The following PRR5 variants were observed in gnomAD, a reference collection of about 807,000 sequenced individuals.
PRR5 encodes the protein proline rich 5.
In PRR5, 25 loss-of-function variants were observed where a neutral mutation model predicts 30.6. The ratio of observed to expected loss-of-function variants is 0.82; its 90% confidence interval spans 0.60 to 1.14. The LOEUF (loss-of-function observed/expected upper bound fraction) is 1.14. Ranked by LOEUF, PRR5 falls within the 50% of genes most tolerant of loss-of-function variation. The pLI is 0.00. For synonymous variants in PRR5, 286 were observed against 247.1 expected (o/e 1.16, Z -1.48); for missense variants, 600 against 547.1 (o/e 1.10, Z -0.96).
chr22:44,730,005 A>G, intron 4 of PRR5: 1 of 985,394 alleles, frequency 1.0e-6, no homozygotes, highest in Non-Finnish European at 1.2e-6. Flanking sequence ...CATCACCCTC[A>G]GAGCCAGGTT....
chr22:44,725,243 G>A lies in PRR5; in HGVS notation c.216-1G>A. On this transcript the variant is annotated splice_acceptor_variant, in intron 2 of 7. Coordinates refer to ENST00000336985, the MANE Select transcript of PRR5 (RefSeq NM_181333.4). LOFTEE classifies it high-confidence loss of function. The stretch of plus-strand genomic sequence containing the variant: ...ACTCTTGTCTCACCTCCCACCCACA[G>A]GCAGCTGTTGAAGACAGAGCTGGGG... The A allele has an allele frequency of 6.2e-7, 1 of 1,613,910 alleles. No individual in the cohort carries two copies. The highest frequency in any genetic ancestry group is 8.5e-7 in the Non-Finnish European group (1 of 1,179,970).
At chr22:44,719,608 G>A (rs1034761434) in intron 2 of PRR5, among the ~76,000 whole-genome samples, 5 of 152,210 alleles carry the variant, frequency 3.3e-5, no homozygotes, top group Non-Finnish European at 7.3e-5. Context: ...TGTGCCGCCT[G>A]TGTTGTCCGT....
chr22:44,725,384 C>T (rs967210188), intron 3 of PRR5, 92 bp downstream of exon 3: 50 of 1,560,480 alleles, frequency 3.2e-5, no homozygotes, highest in South Asian at 9.0e-5. Flanking sequence ...TGTGGAGCGC[C>T]GGCTCCCCCA....
intron 1 of PRR5, among the ~76,000 whole-genome samples, chr22:44,692,987 G>A (rs1369570629): frequency 1.3e-5 from 2 of 152,188 alleles, no homozygotes; most frequent in Non-Finnish European, 2.9e-5. Context: ...AGAGCTAGAG[G>A]GAATGAGGGT....
intron 2 of PRR5, among the ~76,000 whole-genome samples, chr22:44,724,440 GAAA>G (rs567341742): frequency 7.0e-6 from 1 of 143,350 alleles, no homozygotes; most frequent in Non-Finnish European, 1.5e-5. Context: ...GTCTCAAAAA[GAAA>G]AAAAAAAAGT....
At chr22:44,726,491 G>T in intron 3 of PRR5, 86 bp from the exon 4 acceptor site, 1 of 1,598,818 alleles carries the variant, frequency 6.3e-7, no homozygotes, top group African/African-American at 1.3e-5. Flanking sequence ...CTGCTCACTG[G>T]TGGATGGACT....
At chr22:44,677,571 A>T (rs1923876755) in intron 1 of PRR5, among the ~76,000 whole-genome samples, 1 of 152,244 alleles carries the variant, frequency 6.6e-6, no homozygotes, top group African/African-American at 2.4e-5. Context: ...CAGGGGGTTC[A>T]GATTCTTTTG....
At chr22:44,676,411 A>G (rs4496417), upstream of PRR5, among the ~76,000 whole-genome samples, 2,934 of 144,396 alleles carry the variant, frequency 0.02, 27 homozygotes, top group East Asian at 0.066. Flanking sequence ...AAAAAAAAAA[A>G]AAAAGAAAGA....
At chr22:44,703,032 G>T (rs534897959) in intron 1 of PRR5, among the ~76,000 whole-genome samples, 1 of 152,344 alleles carries the variant, frequency 6.6e-6, no homozygotes, top group South Asian at 2.1e-4. Context: ...GGTCGCGCAG[G>T]CTTCCTGTGT....
chr22:44,691,414 C>A lies in PRR5; in HGVS notation c.-10-11078C>A, dbSNP rs534536198. Among the ~76,000 whole-genome samples the A allele has an allele frequency of 6.6e-6, 1 of 152,120 alleles. No individual in the cohort carries two copies. The highest frequency in any genetic ancestry group is 6.5e-5 in the Admixed American group (1 of 15,276). On this transcript the variant is annotated intron_variant, in intron 1 of 8. Coordinates refer to the PRR5 transcript ENST00000006251. The surrounding 1 kb of genome is among the most constrained non-coding windows in gnomAD (Gnocchi z 4.4). ...CGCGCTGGGCACAGCATGTACTCAGCGGTGGGGACCCTGCCCTAGACTCAG... is the reference window on the plus strand; with the variant it reads ...CGCGCTGGGCACAGCATGTACTCAGAGGTGGGGACCCTGCCCTAGACTCAG...
intron 4 of PRR5, among the ~76,000 whole-genome samples, chr22:44,728,202 C>T (rs1169210131): frequency 2.6e-5 from 4 of 152,248 alleles, no homozygotes; most frequent in Non-Finnish European, 5.9e-5. Flanking sequence ...CCAGCCCTTC[C>T]TGGCCTCCCC....
intron 4 of PRR5, chr22:44,729,593 C>G (rs1921540954): frequency 1.4e-5 from 14 of 985,344 alleles, no homozygotes; most frequent in Non-Finnish European, 1.7e-5. Flanking sequence ...GAGGATGCCA[C>G]TGAGTCCGCC....
intron 1 of PRR5, among the ~76,000 whole-genome samples, chr22:44,671,393 T>C (rs1259700151): frequency 6.6e-6 from 1 of 152,098 alleles, no homozygotes; most frequent in Non-Finnish European, 1.5e-5. Flanking sequence ...TAAAATTGAA[T>C]CTTGCTGGGG....
chr22:44,676,093 A>T (rs921887171), upstream of PRR5, among the ~76,000 whole-genome samples: 1 of 151,932 alleles, frequency 6.6e-6, no homozygotes, highest in Admixed American at 6.6e-5. Flanking sequence ...AATCAAAAAC[A>T]AAAAAGAAGG....
intron 1 of PRR5, among the ~76,000 whole-genome samples, chr22:44,693,637 T>TTC (rs1401324409): frequency 1.4e-5 from 2 of 140,204 alleles, no homozygotes; most frequent in Non-Finnish European, 3.1e-5. Flanking sequence ...TTTTTTTTTT[T>TTC]TTCTGAGGTG....
At chr22:44,723,711 T>G (rs1041288238) in intron 2 of PRR5, among the ~76,000 whole-genome samples, 15 of 152,092 alleles carry the variant, frequency 9.9e-5, no homozygotes, top group Non-Finnish European at 2.2e-4. Flanking sequence ...CAGAGTGAGA[T>G]TCCATCTCCA....
Position 44,691,206 on chromosome 22 carries a change from C to T in PRR5, c.-10-11286C>T, listed in dbSNP as rs370236640. On this transcript the variant is annotated intron_variant, in intron 1 of 8. Coordinates refer to the PRR5 transcript ENST00000006251. This position sits in a 1 kb window ranked among gnomAD's most constrained non-coding sequence, Gnocchi z 4.4. Reference sequence around the variant, plus strand: ...CAGGTAGGAAGATCTGGGCTGCTTCCGGGAGGATTTGGGTAGAGAAAACCG... The same window carrying T: ...CAGGTAGGAAGATCTGGGCTGCTTCTGGGAGGATTTGGGTAGAGAAAACCG... Among the ~76,000 whole-genome samples the T allele has an allele frequency of 4.6e-5, 7 of 152,022 alleles. No homozygotes were observed. The highest frequency in any genetic ancestry group is 2.1e-4 in the South Asian group (1 of 4,818).
At chr22:44,730,112 G>A (rs1034640597) in intron 4 of PRR5, 13 of 985,216 alleles carry the variant, frequency 1.3e-5, no homozygotes, top group Middle Eastern at 5.2e-4. Context: ...TGCCCCTGGC[G>A]GGGTCCCACT....
At chr22:44,696,316 G>A (rs1015230519) in intron 1 of PRR5, among the ~76,000 whole-genome samples, 2 of 152,108 alleles carry the variant, frequency 1.3e-5, no homozygotes, top group Admixed American at 6.6e-5. Context: ...TGCCATCCTC[G>A]AGCTTGGACA....
Sources: allele counts gnomAD v4.1 joint callset (sites outside exome capture counted in the v4.1 genomes callset), GRCh38; gene constraint gnomAD v4.1.1; non-coding constraint Gnocchi (gnomAD v3.1); transcripts MANE v1.5; gene names NCBI Gene and HGNC (gene_info 2026-07-23, HGNC 2026-07-21).